Variants in OR1J2 observed in about 807,000 individuals in gnomAD.
OR1J2 encodes the protein olfactory receptor family 1 subfamily J member 2.
For missense variants in OR1J2, 304 were observed against 246.1 expected, an observed-to-expected ratio of 1.24 and a Z score of -1.57; for synonymous variants, 142 against 99.7, an observed-to-expected ratio of 1.42 and a Z score of -2.52.
chr9:122,468,976 A>T, the OR1J2 span, among the ~76,000 whole-genome samples: 2 of 152,210 alleles, frequency 1.3e-5, no homozygotes, highest in Non-Finnish European at 2.9e-5. Context: ...ATTCCTGTGG[A>T]CAATGCTGAG....
chr9:122,463,760 A>T, the OR1J2 span, among the ~76,000 whole-genome samples: 25 of 152,224 alleles, frequency 1.6e-4, no homozygotes, highest in African/African-American at 5.8e-4. Flanking sequence ...GTGTCTGCAG[A>T]ATCCTGTGAT....
chr9:122,516,120 C>T (rs1280949428), downstream of OR1J2, among the ~76,000 whole-genome samples: 1 of 152,046 alleles, frequency 6.6e-6, no homozygotes, highest in Non-Finnish European at 1.5e-5. Flanking sequence ...ATGTGCACTA[C>T]CTTGCCCAAA....
the OR1J2 span, among the ~76,000 whole-genome samples, chr9:122,448,442 C>T: frequency 1.0e-3 from 153 of 152,198 alleles, no homozygotes; most frequent in African/African-American, 3.5e-3. Flanking sequence ...GAGACGGAGG[C>T]CTTCCTCTTA....
chr9:122,501,268 A>G, the OR1J2 span, among the ~76,000 whole-genome samples: 1 of 152,186 alleles, frequency 6.6e-6, no homozygotes, highest in Admixed American at 6.5e-5. Flanking sequence ...ACTATGGTCC[A>G]GGAAGAAAGT....
chr9:122,475,363 C>T, the OR1J2 span, among the ~76,000 whole-genome samples: 1 of 152,184 alleles, frequency 6.6e-6, no homozygotes, highest in Non-Finnish European at 1.5e-5. Flanking sequence ...TCTCTCCCGC[C>T]ACATTTCTTC....
the OR1J2 span, among the ~76,000 whole-genome samples, chr9:122,549,900 G>T: frequency 6.6e-6 from 1 of 151,962 alleles, no homozygotes; most frequent in Non-Finnish European, 1.5e-5. Flanking sequence ...ATGAAAAATG[G>T]TGTTGGTATT....
the OR1J2 span, among the ~76,000 whole-genome samples, chr9:122,502,124 C>G: frequency 1.3e-5 from 2 of 152,148 alleles, no homozygotes; most frequent in African/African-American, 4.8e-5. Flanking sequence ...CAGAGAAAAC[C>G]CTTAAGAAAG....
At chr9:122,547,822 G>C in the OR1J2 span, among the ~76,000 whole-genome samples, 1 of 152,098 alleles carries the variant, frequency 6.6e-6, no homozygotes, top group African/African-American at 2.4e-5. Flanking sequence ...TAGTGAAATT[G>C]CTGGATCAAA....
the OR1J2 span, among the ~76,000 whole-genome samples, chr9:122,551,782 T>C: frequency 6.6e-6 from 1 of 151,964 alleles, no homozygotes. Context: ...GAGATGGTGT[T>C]CTAGGAGCCT....
At chr9:122,542,436 ACT>A in the OR1J2 span, among the ~76,000 whole-genome samples, 1 of 152,182 alleles carries the variant, frequency 6.6e-6, no homozygotes, top group East Asian at 1.9e-4. Context: ...ATAAATGCAT[ACT>A]CTCATCCAAA....
the OR1J2 span, among the ~76,000 whole-genome samples, chr9:122,560,793 T>C: frequency 6.6e-6 from 1 of 152,158 alleles, no homozygotes; most frequent in Non-Finnish European, 1.5e-5. Context: ...GAGAATTTGA[T>C]GATTATGTGT....
chr9:122,565,457 A>G, the OR1J2 span, among the ~76,000 whole-genome samples: 8 of 152,226 alleles, frequency 5.3e-5, no homozygotes, highest in African/African-American at 1.7e-4. Context: ...GGCGGCAGGG[A>G]TGGAGGTTAT....
chr9:122,475,573 T>C, the OR1J2 span: 1 of 152,202 alleles, frequency 6.6e-6, no homozygotes, highest in South Asian at 2.1e-4. Flanking sequence ...TCTCAGCTCT[T>C]TTTAGATCCA....
At chr9:122,529,355 A>G in the OR1J2 span, among the ~76,000 whole-genome samples, 1 of 152,228 alleles carries the variant, frequency 6.6e-6, no homozygotes, top group East Asian at 1.9e-4. Context: ...TCAGCAAGCA[A>G]GTCCTTTCAT....
At chr9:122,465,830 G>C in the OR1J2 span, among the ~76,000 whole-genome samples, 1 of 152,118 alleles carries the variant, frequency 6.6e-6, no homozygotes, top group Non-Finnish European at 1.5e-5. Flanking sequence ...TTCTTTGAGT[G>C]AATTACCTTT....
the OR1J2 span, among the ~76,000 whole-genome samples, chr9:122,449,972 A>G: frequency 3.3e-5 from 5 of 152,276 alleles, no homozygotes; most frequent in Admixed American, 2.0e-4. Context: ...CTTCTTTGCC[A>G]TATGTTCCTT....
chr9:122,465,864 C>T, the OR1J2 span, among the ~76,000 whole-genome samples: 2 of 152,146 alleles, frequency 1.3e-5, no homozygotes, highest in African/African-American at 4.8e-5. Flanking sequence ...TCAGCTCCCA[C>T]TACCCCTGAA....
At chr9:122,559,662 ATTT>A in the OR1J2 span, among the ~76,000 whole-genome samples, 1,243 of 151,480 alleles carry the variant, frequency 8.2e-3, 16 homozygotes, top group African/African-American at 0.029. Flanking sequence ...TTGAGTTCTA[ATTT>A]GATTTCACTG....
the OR1J2 span, among the ~76,000 whole-genome samples, chr9:122,483,903 A>C: frequency 6.6e-6 from 1 of 152,156 alleles, no homozygotes; most frequent in African/African-American, 2.4e-5. Flanking sequence ...GAGTGTAGAG[A>C]ATTAGGTTTG....
Sources: gnomAD v4.1 joint callset for allele counts (sites outside exome capture counted in the v4.1 genomes callset) on GRCh38, gnomAD v4.1.1 for gene constraint, MANE v1.5 for transcripts, NCBI Gene and HGNC (gene_info 2026-07-23, HGNC 2026-07-21) for gene names.